The following CAMKMT variants were observed in gnomAD, a reference collection of about 807,000 sequenced individuals.
CAMKMT encodes CaM KMT.
Under a neutral mutation model 48.0 loss-of-function variants are expected in CAMKMT, and 53 were observed. The ratio of observed to expected loss-of-function variants is 1.10; its 90% CI spans 0.89 to 1.39. The LOEUF (loss-of-function observed/expected upper bound fraction) is 1.39. Among genes scored for constraint, CAMKMT ranks in the 40% most tolerant of loss-of-function variants. CAMKMT has a pLI of 0.00. For missense variants in CAMKMT, 428 were observed against 402.7 expected (o/e 1.06, Z -0.54); for synonymous variants, 165 against 152.3 (o/e 1.08, Z -0.61).
intron 3 of CAMKMT, among the ~76,000 whole-genome samples, chr2:44,590,829 A>G (rs1326370151): frequency 1.3e-5 from 2 of 151,686 alleles, no homozygotes; most frequent in Non-Finnish European, 2.9e-5. Flanking sequence ...GTCCTTGCCC[A>G]TGCCTATGTC....
intron 2 of CAMKMT, among the ~76,000 whole-genome samples, chr2:44,383,011 G>T (rs1306981770): frequency 6.6e-6 from 1 of 152,102 alleles, no homozygotes; most frequent in Non-Finnish European, 1.5e-5. Flanking sequence ...GTGTTGGCAG[G>T]TTTGGTTTCT....
intron 9 of CAMKMT, among the ~76,000 whole-genome samples, chr2:44,754,682 G>A (rs956305276): frequency 2.6e-5 from 4 of 152,102 alleles, no homozygotes; most frequent in South Asian, 2.1e-4. Flanking sequence ...AAAATATTGT[G>A]CACATTTTTA....
At chr2:44,386,711 G>T (rs927934785) in intron 2 of CAMKMT, among the ~76,000 whole-genome samples, 2 of 152,120 alleles carry the variant, frequency 1.3e-5, no homozygotes, top group East Asian at 1.9e-4. Context: ...TTGATAGGTT[G>T]TGTCATTATT....
chr2:44,456,243 A>T (rs1667557240), intron 3 of CAMKMT, among the ~76,000 whole-genome samples: 1 of 152,162 alleles, frequency 6.6e-6, no homozygotes, highest in African/African-American at 2.4e-5. Context: ...TTCACTAGTG[A>T]TGAAGGACTT....
intron 3 of CAMKMT, among the ~76,000 whole-genome samples, chr2:44,455,480 C>T (rs1667514832): frequency 6.6e-6 from 1 of 152,130 alleles, no homozygotes; most frequent in South Asian, 2.1e-4. Context: ...AGAAGGTTTC[C>T]AACCCAATTG....
intron 3 of CAMKMT, among the ~76,000 whole-genome samples, chr2:44,655,795 G>A (rs183661635): frequency 1.3e-5 from 2 of 152,192 alleles, no homozygotes; most frequent in Non-Finnish European, 2.9e-5. Context: ...ATGACATTAT[G>A]GTTTTCATGA....
chr2:44,519,901 C>G (rs1223411066), intron 3 of CAMKMT, among the ~76,000 whole-genome samples: 2 of 152,084 alleles, frequency 1.3e-5, no homozygotes, highest in African/African-American at 4.8e-5. Context: ...AGCATCATTT[C>G]CAGATAGTTT....
At chr2:44,572,053 T>A (rs1195283763) in intron 3 of CAMKMT, among the ~76,000 whole-genome samples, 2 of 152,186 alleles carry the variant, frequency 1.3e-5, no homozygotes, top group African/African-American at 4.8e-5. Context: ...ACTAAGTATA[T>A]TTATGTTGTT....
rs1166901905 is a variant in CAMKMT, at chr2:44,715,276, G to T, written c.557-11G>T. The T allele has an allele frequency of 1.9e-6, 3 of 1,604,252 alleles. No individual in the cohort carries two copies. The highest frequency in any genetic ancestry group is 2.7e-5 in the African/African-American group (2 of 74,004). ...AATCAGTGCAGATGTTTTCTTAACTGTGTCCTGTAGATGTGCAAGACATCA... is the reference window on the plus strand; with the variant it reads ...AATCAGTGCAGATGTTTTCTTAACTTTGTCCTGTAGATGTGCAAGACATCA... On this transcript the variant is annotated splice_polypyrimidine_tract_variant and intron_variant, in intron 6 of 10. Coordinates refer to ENST00000378494, the MANE Select transcript of CAMKMT (RefSeq NM_024766.5).
At chr2:44,512,487 G>C (rs916610507) in intron 3 of CAMKMT, among the ~76,000 whole-genome samples, 1 of 152,104 alleles carries the variant, frequency 6.6e-6, no homozygotes, top group African/African-American at 2.4e-5. Context: ...ATCTCATTTT[G>C]ACAGTATACC....
intron 2 of CAMKMT, among the ~76,000 whole-genome samples, chr2:44,382,563 C>T (rs1462664533): frequency 6.6e-6 from 1 of 151,670 alleles, no homozygotes; most frequent in Non-Finnish European, 1.5e-5. Context: ...ACTGCAAGCT[C>T]CGCCTCCCGG....
Position 44,563,566 on chromosome 2 carries a change from T to C in CAMKMT, c.377-140717T>C, listed in dbSNP as rs1198098109. 2.0e-5 allele frequency among the ~76,000 whole-genome samples: 3 copies of C among 152,118 alleles called. 1 individual carries two copies. Among genetic ancestry groups the C allele is most frequent in the African/African-American group, 7.2e-5 (3 of 41,442 alleles). The stretch of plus-strand genomic sequence containing the variant: ...GTATACATGTGCCATGTTGGTTTGC[T>C]GCACCCATTAACTCATCATTTACGT... On this transcript the variant is annotated intron_variant, in intron 3 of 10. Transcript: ENST00000378494.
intron 3 of CAMKMT, among the ~76,000 whole-genome samples, chr2:44,441,064 A>T (rs996365164): frequency 2.0e-5 from 3 of 152,094 alleles, no homozygotes; most frequent in Non-Finnish European, 4.4e-5. Context: ...ATTAAATCAT[A>T]TTCTTCCCCT....
chr2:44,494,450 T>G (rs978206296), intron 3 of CAMKMT, among the ~76,000 whole-genome samples: 1 of 152,208 alleles, frequency 6.6e-6, no homozygotes, highest in Non-Finnish European at 1.5e-5. Flanking sequence ...AATGAGATAC[T>G]CTCATTCTCT....
At chr2:44,730,424 A>T (rs1679019942) in intron 7 of CAMKMT, among the ~76,000 whole-genome samples, 1 of 152,176 alleles carries the variant, frequency 6.6e-6, no homozygotes, top group Non-Finnish European at 1.5e-5. Flanking sequence ...TCCGAATATG[A>T]CTGTATGTTC....
At chr2:44,753,249 C>CAAAAAA (rs772390371) in intron 8 of CAMKMT, among the ~76,000 whole-genome samples, 9 of 65,404 alleles carry the variant, frequency 1.4e-4, no homozygotes, top group African/African-American at 2.0e-4. Context: ...CCTGTCCCTA[C>CAAAAAA]AAAAAAAAAA....
At chr2:44,382,830 C>G (rs972268573) in intron 2 of CAMKMT, among the ~76,000 whole-genome samples, 1 of 152,246 alleles carries the variant, frequency 6.6e-6, no homozygotes, top group East Asian at 1.9e-4. Context: ...GCCTCTGTGG[C>G]AGAAATAAAG....
chr2:44,708,213 T>TTTTTTTTC, intron 6 of CAMKMT, among the ~76,000 whole-genome samples: 1 of 133,422 alleles, frequency 7.5e-6, no homozygotes, highest in African/African-American at 2.9e-5. Flanking sequence ...TGCTTTGGAT[T>TTTTTTTTC]TTTTTTTTTT....
At chr2:44,402,003 G>A (rs1183604426) in intron 3 of CAMKMT, among the ~76,000 whole-genome samples, 1 of 152,088 alleles carries the variant, frequency 6.6e-6, no homozygotes, top group Non-Finnish European at 1.5e-5. Context: ...GTAATTTTTT[G>A]AGAACTTGTG....
Sources: gnomAD v4.1 joint callset for allele counts (sites outside exome capture counted in the v4.1 genomes callset) on GRCh38, gnomAD v4.1.1 for gene constraint, MANE v1.5 for transcripts, NCBI Gene and HGNC (gene_info 2026-07-23, HGNC 2026-07-21) for gene names.